Variants in ENOX1 observed in about 807,000 individuals in gnomAD.
ENOX1 encodes the protein candidate growth-related and time keeping constitutive hydroquinone (NADH) oxidase.
A neutral mutation model predicts 82.5 loss-of-function variants in ENOX1; 42 were observed. That is an observed-to-expected ratio of 0.51 (90% CI 0.40 to 0.66). The LOEUF (loss-of-function observed/expected upper bound fraction) is 0.66. Among genes scored for constraint, ENOX1 ranks in the 30% least tolerant of loss-of-function variants. The pLI is 0.00. For synonymous variants in ENOX1, 271 were observed against 282.2 expected, an observed-to-expected ratio of 0.96 and a Z score of 0.40; for missense variants, 608 against 811.6, an observed-to-expected ratio of 0.75 and a Z score of 3.05.
rs1050488159 is a variant in ENOX1, at chr13:43,214,131, A to G, written c.1801-10T>C. 2.5e-6 allele frequency: 4 copies of G among 1,611,294 alleles called. No individual in the cohort carries two copies. The African/African-American group carries it at 5.3e-5, about 22-fold the overall frequency. On this transcript the variant is annotated splice_polypyrimidine_tract_variant and intron_variant, in intron 16 of 16. Transcript: ENST00000690772. ...TTTCATTTGCAGATATCTGTTAGAA[A>G]GGAAGGAAAGTCACTTTGGGGAAAG...
At position 43,479,397 on chromosome 13, in the gene ENOX1, C is replaced by T. The variant is rs542107338; in HGVS notation, c.-75+4612G>A. ...CAGATTTCAGATTTTCTACCCTTTC[C>T]GTTCTCAGTAACTGACCGGCCACCT... On this transcript the variant is annotated intron_variant, in intron 3 of 16. Transcript: ENST00000690772. 3.3e-5 allele frequency among the ~76,000 whole-genome samples: 5 copies of T among 152,256 alleles called. No homozygotes were observed. The East Asian group carries it at 5.8e-4, about 18-fold the overall frequency.
intron 2 of ENOX1, among the ~76,000 whole-genome samples, chr13:43,629,539 T>A (rs2083115915): frequency 6.6e-6 from 1 of 152,234 alleles, no homozygotes; most frequent in Non-Finnish European, 1.5e-5. Context: ...GAGTTTTCAT[T>A]GTATTTAGTG....
At chr13:43,662,137 C>T (rs1307164976) in intron 2 of ENOX1, among the ~76,000 whole-genome samples, 2 of 152,140 alleles carry the variant, frequency 1.3e-5, no homozygotes, top group Admixed American at 6.5e-5. Context: ...CCCGATATTG[C>T]CTCAATTACT....
intron 10 of ENOX1, among the ~76,000 whole-genome samples, chr13:43,323,843 T>C (rs2047952099): frequency 6.6e-6 from 1 of 152,242 alleles, no homozygotes. Context: ...TCTCCATTCT[T>C]TTCTCTCCTT....
chr13:43,338,907 G>C (rs1018433425), intron 9 of ENOX1, among the ~76,000 whole-genome samples: 16 of 152,050 alleles, frequency 1.1e-4, no homozygotes, highest in East Asian at 3.9e-4. Context: ...GGATGGTCTC[G>C]ATCTCCTGAC....
chr13:43,719,346 C>CA (rs1491332374), intron 1 of ENOX1, among the ~76,000 whole-genome samples: 1 of 149,982 alleles, frequency 6.7e-6, no homozygotes, highest in Non-Finnish European at 1.5e-5. Flanking sequence ...CACACACACA[C>CA]ACCAGCAATC....
intron 1 of ENOX1, among the ~76,000 whole-genome samples, chr13:43,715,231 T>A (rs1214083851): frequency 6.6e-6 from 1 of 152,242 alleles, no homozygotes; most frequent in African/African-American, 2.4e-5. Context: ...GAATGTTGAA[T>A]ATTGGCCCCC....
chr13:43,387,351 T>C lies in ENOX1; in HGVS notation c.208+24565A>G, dbSNP rs151050481. ...TTCCTAAAAACAAGGAGCTGGCCTG[T>C]GGTGGGAAGATATGGAGGACGAGAT... On this transcript the variant is annotated intron_variant, in intron 5 of 16. Transcript: ENST00000690772. Among the ~76,000 whole-genome samples, 580 of 152,184 alleles carry C rather than the reference T, an allele frequency of 3.8e-3. 16 individuals carry two copies. Among genetic ancestry groups the C allele is most frequent in the Admixed American group, 0.036 (551 of 15,272 alleles).
At chr13:43,742,380 G>A (rs1949784788) in intron 1 of ENOX1, among the ~76,000 whole-genome samples, 1 of 151,918 alleles carries the variant, frequency 6.6e-6, no homozygotes, top group Non-Finnish European at 1.5e-5. Context: ...TCAAAGACAG[G>A]AGAAAATGGA....
intron 8 of ENOX1, among the ~76,000 whole-genome samples, chr13:43,346,106 C>T (rs1161635913): frequency 2.0e-5 from 3 of 152,176 alleles, no homozygotes; most frequent in Non-Finnish European, 4.4e-5. Context: ...CCGTTGAGTG[C>T]TTTGTAAATT....
At chr13:43,603,631 T>C (rs1263252702) in intron 2 of ENOX1, among the ~76,000 whole-genome samples, 1 of 145,016 alleles carries the variant, frequency 6.9e-6, no homozygotes, top group Admixed American at 6.9e-5. Context: ...AGTGAGAATA[T>C]GCGGTGTTTG....
chr13:43,495,244 G>A (rs1333084159), intron 2 of ENOX1, among the ~76,000 whole-genome samples: 1 of 152,012 alleles, frequency 6.6e-6, no homozygotes, highest in African/African-American at 2.4e-5. Context: ...AGTTCACTAG[G>A]CTTTGATAAA....
chr13:43,475,794 C>CAAAAAAAAAAAAAAAAAAAA (rs10624980), intron 3 of ENOX1, among the ~76,000 whole-genome samples: 1 of 70,946 alleles, frequency 1.4e-5, no homozygotes, highest in African/African-American at 6.1e-5. Context: ...CATAACTGAC[C>CAAAAAAAAAAAAAAAAAAAA]AAAAAAAAAA....
At chr13:43,750,611 T>A (rs1347460647) in intron 1 of ENOX1, among the ~76,000 whole-genome samples, 5 of 152,156 alleles carry the variant, frequency 3.3e-5, no homozygotes, top group Non-Finnish European at 7.3e-5. Context: ...AGATCTCTGA[T>A]CTGGAACCTT....
chr13:43,386,070 G>T (rs968503676), intron 5 of ENOX1, among the ~76,000 whole-genome samples: 1 of 152,214 alleles, frequency 6.6e-6, no homozygotes, highest in Non-Finnish European at 1.5e-5. Context: ...GGAGCCTGAG[G>T]CAGGAGAATC....
At chr13:43,774,919 G>A (rs1400062667) in intron 1 of ENOX1, among the ~76,000 whole-genome samples, 1 of 151,814 alleles carries the variant, frequency 6.6e-6, no homozygotes, top group Non-Finnish European at 1.5e-5. Flanking sequence ...GCGTGATCTC[G>A]GCTCCCTGCA....
At chr13:43,470,762 A>G (rs2058035185) in intron 3 of ENOX1, among the ~76,000 whole-genome samples, 1 of 152,092 alleles carries the variant, frequency 6.6e-6, no homozygotes, top group South Asian at 2.1e-4. Context: ...CGGTGAGCAT[A>G]TGAAAATGAT....
chr13:43,420,059 C>T (rs2054882687), intron 3 of ENOX1, among the ~76,000 whole-genome samples: 1 of 152,172 alleles, frequency 6.6e-6, no homozygotes, highest in African/African-American at 2.4e-5. Context: ...TTAGCATTAT[C>T]ATGGTATATA....
At chr13:43,228,427 T>A (rs893318239) in intron 15 of ENOX1, among the ~76,000 whole-genome samples, 2 of 152,142 alleles carry the variant, frequency 1.3e-5, no homozygotes, top group Admixed American at 6.6e-5. Flanking sequence ...TTTAAAAAAA[T>A]TTTAAAAGAA....
Sources: allele counts gnomAD v4.1 joint callset (sites outside exome capture counted in the v4.1 genomes callset), GRCh38; gene constraint gnomAD v4.1.1; transcripts MANE v1.5; gene names NCBI Gene and HGNC (gene_info 2026-07-23, HGNC 2026-07-21).